MGA: variants seen among roughly 807,000 people sequenced by gnomAD.
MGA encodes the protein MAX gene-associated protein.
A neutral mutation model predicts 261.1 loss-of-function variants in MGA; 40 were observed. The ratio of observed to expected loss-of-function variants is 0.15; its 90% CI spans 0.12 to 0.20. The LOEUF (loss-of-function observed/expected upper bound fraction) is 0.20, where lower values mean the gene tolerates loss of function less well. Among genes scored for constraint, MGA ranks in the 10% least tolerant of loss-of-function variants. MGA has a pLI of 1.00. For missense variants in MGA, 3,397 were observed against 3,630.5 expected (o/e 0.94, Z 1.65); for synonymous variants, 1,302 against 1,290.6 (o/e 1.01, Z -0.19).
chr15:41,711,943 G>A (rs2060408186), intron 8 of MGA, among the ~76,000 whole-genome samples: 1 of 152,036 alleles, frequency 6.6e-6, no homozygotes, highest in Non-Finnish European at 1.5e-5. Flanking sequence ...TGATCCACCT[G>A]TCTCACCTCA....
At chr15:41,626,285 CTTTT>C (rs35419067) in intron 1 of MGA, among the ~76,000 whole-genome samples, 5 of 137,882 alleles carry the variant, frequency 3.6e-5, no homozygotes, top group African/African-American at 5.3e-5. Context: ...CTATTTTCCT[CTTTT>C]TTTTTTTTTT....
At chr15:41,630,163 A>G (rs1376638112) in intron 1 of MGA, among the ~76,000 whole-genome samples, 1 of 151,978 alleles carries the variant, frequency 6.6e-6, no homozygotes, top group African/African-American at 2.4e-5. Context: ...TGGCTCTTTT[A>G]TAACCCCCTT....
chr15:41,661,268 C>T (rs1414882124), intron 1 of MGA, among the ~76,000 whole-genome samples: 1 of 151,736 alleles, frequency 6.6e-6, no homozygotes, highest in East Asian at 1.9e-4. Context: ...TATGGGGTTT[C>T]CCGTTTCTGT....
chr15:41,766,324 T>C lies in MGA; in HGVS notation c.8242T>C (p.Ser2748Pro). 1 of 1,613,892 alleles carries C rather than the reference T, an allele frequency of 6.2e-7. No homozygotes were observed. Among genetic ancestry groups the C allele is most frequent in the East Asian group, 2.2e-5 (1 of 44,884 alleles). The change falls in exon 24 of 24, where the codon TCT becomes CCT. Residue 2748 changes from serine (S) to proline (P), a missense_variant. Ser to Pro is a moderately conservative substitution (Grantham distance 74). Around this residue, in one of 9 missense-constraint regions of MGA, gnomAD observed 647 missense variants for 642.4 expected, o/e 1.01. Coordinates refer to ENST00000219905, the MANE Select transcript of MGA (RefSeq NM_001164273.2). ...ACAAGAGTTCTTACCTAAAAAGATT[T>C]CTGGTGATATGAGAGGGATTCAGTA...
At chr15:41,723,651 A>G (rs2061074708) in intron 9 of MGA, among the ~76,000 whole-genome samples, 1 of 152,154 alleles carries the variant, frequency 6.6e-6, no homozygotes, top group Admixed American at 6.5e-5. Context: ...TCCTGGCCTC[A>G]AGAGATCCTC....
chr15:41,663,377 TTG>T (rs1469056948), intron 1 of MGA, among the ~76,000 whole-genome samples: 1 of 152,174 alleles, frequency 6.6e-6, no homozygotes, highest in African/African-American at 2.4e-5. Context: ...TATACCAAAA[TTG>T]TGGTTTTCAT....
Position 41,711,158 on chromosome 15 carries a change from C to G in MGA, c.2893C>G (p.Pro965Ala), listed in dbSNP as rs2060364664. ...GCCAACTTTGGATGAAAATATATTT[C>G]CAAAGCAGATTAGTTTGCGGCAGGC... The change falls in exon 8 of 24, where the codon CCA becomes GCA. Residue 965 changes from proline to alanine, a missense_variant. This residue lies in a region of MGA where 519 missense variants were observed against 554.1 expected (regional missense o/e 0.94). Transcript: ENST00000219905. The G allele has an allele frequency of 6.2e-7, 1 of 1,613,844 alleles. No homozygotes were observed. The highest frequency in any genetic ancestry group is 1.3e-5 in the African/African-American group (1 of 74,900).
At chr15:41,740,431 A>T (rs1261045570) in intron 14 of MGA, among the ~76,000 whole-genome samples, 1 of 151,978 alleles carries the variant, frequency 6.6e-6, no homozygotes, top group Non-Finnish European at 1.5e-5. Flanking sequence ...TTTTATATAT[A>T]TTTTTTATTT....
chr15:41,670,800 C>G (rs1438112004), intron 2 of MGA, among the ~76,000 whole-genome samples: 1 of 152,212 alleles, frequency 6.6e-6, no homozygotes, highest in Non-Finnish European at 1.5e-5. Context: ...GCCACCGTGC[C>G]CGGCCGTAAG....
chr15:41,724,554 G>A (rs1002515717), intron 9 of MGA, among the ~76,000 whole-genome samples: 9 of 152,172 alleles, frequency 5.9e-5, no homozygotes, highest in African/African-American at 2.2e-4. Context: ...TAGCCAAGTG[G>A]TGTGTGCTTG....
intron 1 of MGA, among the ~76,000 whole-genome samples, chr15:41,667,098 T>C (rs906141557): frequency 1.3e-5 from 2 of 152,202 alleles, no homozygotes; most frequent in African/African-American, 4.8e-5. Flanking sequence ...AAAAAAACAG[T>C]ATCTCAAGAT....
chr15:41,695,032 T>G (rs1434139958), intron 2 of MGA, among the ~76,000 whole-genome samples: 1 of 152,080 alleles, frequency 6.6e-6, no homozygotes, highest in East Asian at 1.9e-4. Flanking sequence ...TATATAGTGG[T>G]GTGTATAGTT....
intron 9 of MGA, chr15:41,718,430 G>T: frequency 1.6e-6 from 2 of 1,267,862 alleles, no homozygotes; most frequent in Non-Finnish European, 1.1e-6. Flanking sequence ...ATCGCAGGTA[G>T]CCCTGGAGCT....
chr15:41,749,242 G>C lies in MGA; in HGVS notation c.5635G>C (p.Val1879Leu), dbSNP rs569222685. Residue 1879 changes from valine (V) to leucine (L), a missense_variant, in exon 17 of 24, where the codon GTT (valine) becomes CTT (leucine). Transcript: ENST00000219905. ...TGTTGGGTCTTCTTCAGCAGTGAATGTTATCACTCAGGCACCATCATTGCT... is the reference window on the plus strand; with the variant it reads ...TGTTGGGTCTTCTTCAGCAGTGAATCTTATCACTCAGGCACCATCATTGCT... The C allele has an allele frequency of 1.3e-5, 21 of 1,614,022 alleles. No homozygotes were observed. In the African/African-American group the frequency reaches 2.3e-4, roughly 17 times the overall value.
At position 41,728,055 on chromosome 15, in the gene MGA, C is replaced by T. The variant is rs575446120; in HGVS notation, c.3657+649C>T. Among the ~76,000 whole-genome samples, 21 of 152,216 alleles carry T rather than the reference C, an allele frequency of 1.4e-4. 1 individual carries two copies. In the East Asian group the frequency reaches 2.1e-3, roughly 15 times the overall value. ...ATGAAATAAGCAAGGGTGGGCCGGG[C>T]GCGGTGGCTCACGCTTGTAATCCCA... On this transcript the variant is annotated intron_variant, in intron 10 of 23. Transcript: ENST00000219905.
chr15:41,695,106 T>A (rs2059488969), intron 2 of MGA, among the ~76,000 whole-genome samples: 1 of 152,200 alleles, frequency 6.6e-6, no homozygotes. Flanking sequence ...TATGGATATT[T>A]TGAGGTGGGG....
At chr15:41,641,550 C>T (rs925221790) in intron 1 of MGA, among the ~76,000 whole-genome samples, 23 of 136,808 alleles carry the variant, frequency 1.7e-4, no homozygotes, top group African/African-American at 5.9e-4. Context: ...AGTGCAGTGG[C>T]GTAATCTTAG....
At chr15:41,650,245 TA>T in intron 1 of MGA, among the ~76,000 whole-genome samples, 1 of 152,280 alleles carries the variant, frequency 6.6e-6, no homozygotes, top group Non-Finnish European at 1.5e-5. Context: ...AAGTGCTCAA[TA>T]AATGTTTGAC....
chr15:41,672,685 A>G (rs1479709319), intron 2 of MGA, among the ~76,000 whole-genome samples: 1 of 152,208 alleles, frequency 6.6e-6, no homozygotes, highest in Admixed American at 6.5e-5. Context: ...GGGAGCAGAA[A>G]TTATTTTTAG....
Sources: gnomAD v4.1 joint callset for allele counts (sites outside exome capture counted in the v4.1 genomes callset) on GRCh38, gnomAD v4.1.1 for gene constraint, gnomAD v4.1.1 regional missense constraint, MANE v1.5 for transcripts, NCBI Gene and HGNC (gene_info 2026-07-23, HGNC 2026-07-21) for gene names.